The following SLC25A16 variants were observed in gnomAD, a reference collection of about 807,000 sequenced individuals.
SLC25A16 encodes mitochondrial coenzyme A transporter SLC25A16.
In SLC25A16, 39 loss-of-function variants were observed where a neutral mutation model predicts 41.5. The observed-to-expected ratio is 0.94, with a 90% CI of 0.73 to 1.23. SLC25A16 has a LOEUF of 1.23. Ranked by LOEUF, SLC25A16 falls within the 50% of genes most tolerant of loss-of-function variation. SLC25A16 has a pLI of 0.00. For missense variants in SLC25A16, 421 were observed against 426.9 expected (o/e 0.99, Z 0.12); for synonymous variants, 146 against 147.8 (o/e 0.99, Z 0.09).
At chr10:68,520,438 G>A (rs1246133381) in intron 1 of SLC25A16, among the ~76,000 whole-genome samples, 1 of 152,076 alleles carries the variant, frequency 6.6e-6, no homozygotes, top group African/African-American at 2.4e-5. Flanking sequence ...CATTTTGGGA[G>A]GCCTAGGTGG....
intron 3 of SLC25A16, among the ~76,000 whole-genome samples, chr10:68,505,803 G>C (rs2052942823): frequency 6.6e-6 from 1 of 152,256 alleles, no homozygotes; most frequent in East Asian, 1.9e-4. Flanking sequence ...GGGAGACGGA[G>C]GCGGGTGGAT....
chr10:68,503,816 T>C (rs2052900261), intron 3 of SLC25A16, 121 bp from the exon 4 acceptor site: 6 of 693,828 alleles, frequency 8.6e-6, no homozygotes, highest in Admixed American at 2.4e-5. Flanking sequence ...TAATAATAAA[T>C]GTGAACGAAA....
At chr10:68,523,278 A>C (rs2053277303) in intron 1 of SLC25A16, among the ~76,000 whole-genome samples, 2 of 152,034 alleles carry the variant, frequency 1.3e-5, no homozygotes, top group Non-Finnish European at 2.9e-5. Context: ...TTTTTTGTAC[A>C]GACTGGGTGT....
intron 2 of SLC25A16, among the ~76,000 whole-genome samples, chr10:68,510,890 T>G (rs1275173031): frequency 6.6e-6 from 1 of 151,998 alleles, no homozygotes; most frequent in African/African-American, 2.4e-5. Flanking sequence ...AAAAACTATC[T>G]TATACCTACA....
intron 1 of SLC25A16, among the ~76,000 whole-genome samples, chr10:68,520,577 C>G (rs777419702): frequency 6.6e-6 from 1 of 151,636 alleles, no homozygotes; most frequent in South Asian, 2.1e-4. Flanking sequence ...TTTGGAAGTC[C>G]GAGGCAGGCA....
At chr10:68,500,082 T>C (rs2052814823) in intron 4 of SLC25A16, 1 of 227,884 alleles carries the variant, frequency 4.4e-6, no homozygotes, top group Admixed American at 5.3e-5. Flanking sequence ...TAGTATGTAT[T>C]GGATTATAGT....
At chr10:68,494,093 G>A (rs149464034) in intron 4 of SLC25A16, among the ~76,000 whole-genome samples, 2 of 152,224 alleles carry the variant, frequency 1.3e-5, no homozygotes, top group African/African-American at 4.8e-5. Context: ...GGTATTATAA[G>A]TAATCTACAC....
At chr10:68,513,921 G>A (rs966529164) in intron 2 of SLC25A16, among the ~76,000 whole-genome samples, 11 of 152,112 alleles carry the variant, frequency 7.2e-5, no homozygotes, top group African/African-American at 2.4e-4. Context: ...TTTTGGCCGG[G>A]AGCAGTGGCT....
chr10:68,500,337 T>A (rs1021271549), intron 4 of SLC25A16, among the ~76,000 whole-genome samples: 4 of 152,134 alleles, frequency 2.6e-5, no homozygotes, highest in African/African-American at 9.7e-5. Flanking sequence ...ATACAAAGTC[T>A]AGCTCTGTTG....
At chr10:68,520,058 C>A (rs945692167) in intron 1 of SLC25A16, among the ~76,000 whole-genome samples, 2 of 148,728 alleles carry the variant, frequency 1.3e-5, no homozygotes, top group Admixed American at 6.7e-5. Context: ...TCAAGCGATT[C>A]TCCTGCCCCA....
chr10:68,527,118 C>A (rs1490631919), intron 1 of SLC25A16, 128 bp downstream of exon 1: 2 of 978,058 alleles, frequency 2.0e-6, no homozygotes, highest in South Asian at 3.4e-5. Flanking sequence ...CAGGTCAGGG[C>A]AGACATCTAA....
intron 4 of SLC25A16, among the ~76,000 whole-genome samples, chr10:68,497,557 A>G (rs1215329502): frequency 6.6e-6 from 1 of 151,950 alleles, no homozygotes; most frequent in African/African-American, 2.4e-5. Context: ...AGAAACCATT[A>G]TAACACAAAA....
At chr10:68,483,662 T>G in intron 8 of SLC25A16, 74 bp from the exon 9 acceptor site, 3 of 1,325,880 alleles carry the variant, frequency 2.3e-6, no homozygotes, top group Non-Finnish European at 2.0e-6. Flanking sequence ...ATAATATCAA[T>G]TTTGTTTTTT....
chr10:68,523,620 G>A (rs1023563398), intron 1 of SLC25A16, among the ~76,000 whole-genome samples: 9 of 152,026 alleles, frequency 5.9e-5, no homozygotes, highest in Non-Finnish European at 1.2e-4. Flanking sequence ...CTACAGGTGC[G>A]TGCCACCAAG....
intron 6 of SLC25A16, among the ~76,000 whole-genome samples, chr10:68,492,429 G>T (rs1422960976): frequency 6.6e-6 from 1 of 152,006 alleles, no homozygotes; most frequent in Admixed American, 6.6e-5. Context: ...TAACATAACT[G>T]TATGTAAATC....
chr10:68,491,762 C>T (rs1451286535), intron 6 of SLC25A16, among the ~76,000 whole-genome samples: 1 of 152,164 alleles, frequency 6.6e-6, no homozygotes, highest in Non-Finnish European at 1.5e-5. Context: ...AGGCCAGTTT[C>T]AATCTTGAAT....
intron 6 of SLC25A16, among the ~76,000 whole-genome samples, chr10:68,492,559 G>A (rs2052677643): frequency 1.3e-5 from 2 of 151,992 alleles, no homozygotes; most frequent in Non-Finnish European, 2.9e-5. Flanking sequence ...ACCTGAGGTC[G>A]GGAGTTTGAG....
intron 3 of SLC25A16, among the ~76,000 whole-genome samples, chr10:68,505,884 T>C (rs1423616883): frequency 6.6e-6 from 1 of 151,664 alleles, no homozygotes; most frequent in African/African-American, 2.4e-5. Flanking sequence ...AATACAAAAA[T>C]TAGCTGGGTG....
chr10:68,493,065 GA>G (rs11288507), intron 6 of SLC25A16, 66 bp downstream of exon 6: 148,053 of 749,006 alleles, frequency 0.2, 3,179 homozygotes, highest in Admixed American at 0.27. Context: ...TACCATTTCA[GA>G]AAAAAAAAAA....
Sources: gnomAD v4.1 joint callset for allele counts (sites outside exome capture counted in the v4.1 genomes callset) on GRCh38, gnomAD v4.1.1 for gene constraint, MANE v1.5 for transcripts, NCBI Gene and HGNC (gene_info 2026-07-23, HGNC 2026-07-21) for gene names.